The following LRRC4B variants were observed in gnomAD, a reference collection of about 807,000 sequenced individuals.
The protein encoded by LRRC4B is leucine-rich repeat-containing protein 4B.
In LRRC4B, 1 loss-of-function variant was observed where a neutral mutation model predicts 7.3. That is an observed-to-expected ratio of 0.14 (90% CI 0.05 to 0.65). The LOEUF (loss-of-function observed/expected upper bound fraction) is 0.65. LRRC4B is among the 30% of genes least tolerant of loss of function. LRRC4B has a pLI of 0.84. For missense variants in LRRC4B, 730 were observed against 1,041.6 expected, an observed-to-expected ratio of 0.70 and a Z score of 4.12; for synonymous variants, 500 against 499.2, an observed-to-expected ratio of 1.00 and a Z score of -0.02.
chr19:50,545,352 G>C (rs576512059), intron 2 of LRRC4B, among the ~76,000 whole-genome samples: 93 of 147,608 alleles, frequency 6.3e-4, no homozygotes, highest in Non-Finnish European at 1.1e-3. Context: ...AGGTTGCGGT[G>C]AGCCGAGATC....
chr19:50,551,238 C>T (rs1197868506), intron 1 of LRRC4B, among the ~76,000 whole-genome samples: 1 of 151,902 alleles, frequency 6.6e-6, no homozygotes. Flanking sequence ...CAGGCCCCCC[C>T]CTCCACATGC....
In LRRC4B at chr19:50,518,379, G is replaced by T; in HGVS notation, c.1334C>A (p.Thr445Asn). ...GACGTTGAGCGTGGCCGAGGCGGTG[G>T]TGTTGCCGGCTGAGTTCGTCACCAT... is the stretch of plus-strand genomic sequence containing the variant. Reference protein sequence around the residue: ...TCMVTNSAGNTTASATLNVSA... With the variant: ...TCMVTNSAGNNTASATLNVSA... Residue 445 changes from threonine to asparagine, a missense_variant, in exon 3 of 3, where the codon ACC (threonine) becomes AAC (asparagine). Transcript: ENST00000652263. 1 of 1,592,304 alleles carries T rather than the reference G, an allele frequency of 6.3e-7. No individual in the cohort carries two copies.
Position 50,555,026 on chromosome 19 carries a change from A to G in LRRC4B, c.-35-6153T>C, listed in dbSNP as rs1044562433. Among the ~76,000 whole-genome samples, 1 of 152,180 alleles carries G rather than the reference A, an allele frequency of 6.6e-6. No individual in the cohort carries two copies. Among genetic ancestry groups the G allele is most frequent in the African/African-American group, 2.4e-5 (1 of 41,448 alleles). ...GCCCCTGCAGTCACCCGCACTGCACAGGATATCACACGCCCGACACCCCAC... is the reference window on the plus strand; with the variant it reads ...GCCCCTGCAGTCACCCGCACTGCACGGGATATCACACGCCCGACACCCCAC... On this transcript the variant is annotated intron_variant, in intron 1 of 2. Transcript: ENST00000652263. This position sits in a 1 kb window ranked among gnomAD's most constrained non-coding sequence, Gnocchi z 5.2.
intron 2 of LRRC4B, among the ~76,000 whole-genome samples, chr19:50,530,929 G>T (rs969310064): frequency 1.0e-3 from 37 of 36,770 alleles, no homozygotes; most frequent in South Asian, 3.7e-3. Context: ...GTAGAAACCT[G>T]GGGGGGGGGG....
rs146829441 is a variant in LRRC4B, at chr19:50,564,327, G to A, written c.-36+3617C>T. ...AAATAACCCTCTTGGGCCGCCCGGA[G>A]GACCCCAGGTAAGTGAGTCCTCAGG... On this transcript the variant is annotated intron_variant, in intron 1 of 2. Coordinates refer to ENST00000652263, the MANE Select transcript of LRRC4B (RefSeq NM_001080457.2). Among the ~76,000 whole-genome samples, 166 of 152,252 alleles carry A rather than the reference G, an allele frequency of 1.1e-3. 2 individuals carry two copies. The East Asian group carries it at 0.029, about 27-fold the overall frequency.
At chr19:50,554,844 A>C (rs1216977046) in intron 1 of LRRC4B, among the ~76,000 whole-genome samples, 2 of 152,224 alleles carry the variant, frequency 1.3e-5, no homozygotes, top group African/African-American at 4.8e-5. Flanking sequence ...CACGGCTAGG[A>C]AGTGGCCCCT....
chr19:50,546,779 G>A (rs753704354), intron 2 of LRRC4B, among the ~76,000 whole-genome samples: 2 of 152,192 alleles, frequency 1.3e-5, no homozygotes, highest in East Asian at 1.9e-4. Context: ...GTTCTACGAC[G>A]GGGATGTTGC....
intron 2 of LRRC4B, among the ~76,000 whole-genome samples, chr19:50,522,724 C>T (rs1468348650): frequency 1.3e-5 from 2 of 152,156 alleles, no homozygotes; most frequent in Non-Finnish European, 2.9e-5. Context: ...GTGATCCACC[C>T]GCCTTGGCCT....
chr19:50,536,184 A>G (rs1599769611), intron 2 of LRRC4B, among the ~76,000 whole-genome samples: 1 of 150,228 alleles, frequency 6.7e-6, no homozygotes, highest in Admixed American at 6.7e-5. Context: ...CCCAGGCTGG[A>G]GTGCAATAGC....
intron 2 of LRRC4B, among the ~76,000 whole-genome samples, chr19:50,541,929 C>T (rs1981566952): frequency 1.3e-5 from 2 of 152,152 alleles, no homozygotes; most frequent in South Asian, 4.1e-4. Context: ...CCCATCAATT[C>T]TGTAGCAGCA....
At position 50,556,650 on chromosome 19, in the gene LRRC4B, C is replaced by T. The variant is rs73586697; in HGVS notation, c.-35-7777G>A. 0.065 allele frequency among the ~76,000 whole-genome samples: 9,892 copies of T among 152,272 alleles called. 1,030 individuals are homozygous for T. The highest frequency in any genetic ancestry group is 0.22 in the African/African-American group (9,250 of 41,526). ...CCTGCCTTCCTGCTAAGAGGGGAGC[C>T]CCTGAGGGCTTTGCCGCGGCGTCCA... On this transcript the variant is annotated intron_variant, in intron 1 of 2. Coordinates refer to ENST00000652263, the MANE Select transcript of LRRC4B (RefSeq NM_001080457.2). This position sits in a 1 kb window ranked among gnomAD's most constrained non-coding sequence, Gnocchi z 4.2.
intron 1 of LRRC4B, among the ~76,000 whole-genome samples, chr19:50,552,541 C>T (rs115955454): frequency 0.018 from 2,789 of 152,094 alleles, 90 homozygotes; most frequent in African/African-American, 0.064. Context: ...TCAACTTATC[C>T]GCCCATCCAT....
chr19:50,552,577 C>T (rs1226701608), intron 1 of LRRC4B, among the ~76,000 whole-genome samples: 23 of 151,292 alleles, frequency 1.5e-4, no homozygotes, highest in African/African-American at 4.6e-4. Flanking sequence ...TCCACCCATC[C>T]GTCCATCCAT....
At chr19:50,546,352 A>AAATG (rs1313950578) in intron 2 of LRRC4B, among the ~76,000 whole-genome samples, 1 of 151,354 alleles carries the variant, frequency 6.6e-6, no homozygotes. Flanking sequence ...ATAAATAAAT[A>AAATG]AATACAAAAA....
chr19:50,541,976 A>G (rs925088450), intron 2 of LRRC4B, among the ~76,000 whole-genome samples: 2 of 152,022 alleles, frequency 1.3e-5, no homozygotes, highest in Admixed American at 6.6e-5. Flanking sequence ...AATATGAACC[A>G]CTCTCAGAAA....
intron 2 of LRRC4B, among the ~76,000 whole-genome samples, chr19:50,520,491 G>A (rs1449109899): frequency 1.3e-5 from 2 of 151,788 alleles, no homozygotes; most frequent in Non-Finnish European, 2.9e-5. Flanking sequence ...TTAGCCAGGC[G>A]TGGTGGCACA....
chr19:50,538,320 C>T (rs1230590037), intron 2 of LRRC4B, among the ~76,000 whole-genome samples: 3 of 152,154 alleles, frequency 2.0e-5, no homozygotes, highest in Admixed American at 2.0e-4. Context: ...GCCTCGGCCT[C>T]CCGAAGTGGT....
rs528215864 is a variant in LRRC4B at position 50,566,389 on chromosome 19, G to A, written c.-36+1555C>T. 1.5e-4 allele frequency among the ~76,000 whole-genome samples: 23 copies of A among 151,786 alleles called. No homozygotes were observed. In the East Asian group the frequency reaches 4.6e-3, roughly 30 times the overall value. ...AGAGGGGGGCGGGGAGGGGGCCGAG[G>A]GGCAGCCCCGAGGCTCCCTTCCCCC... On this transcript the variant is annotated intron_variant, in intron 1 of 2. Coordinates refer to ENST00000652263, the MANE Select transcript of LRRC4B (RefSeq NM_001080457.2).
intron 2 of LRRC4B, among the ~76,000 whole-genome samples, chr19:50,540,243 G>A (rs1184125713): frequency 1.3e-5 from 2 of 152,180 alleles, no homozygotes; most frequent in East Asian, 3.9e-4. Context: ...GTACTGGTGG[G>A]TGGCCTGTTA....
Sources: gnomAD v4.1 joint callset for allele counts (sites outside exome capture counted in the v4.1 genomes callset) on GRCh38, gnomAD v4.1.1 for gene constraint, Gnocchi (gnomAD v3.1) non-coding constraint, MANE v1.5 for transcripts, NCBI Gene and HGNC (gene_info 2026-07-23, HGNC 2026-07-21) for gene names.